NAALAD2: variants seen among roughly 807,000 people sequenced by gnomAD.
The protein encoded by NAALAD2 is N-acetylated-alpha-linked acidic dipeptidase 2.
A neutral mutation model predicts 95.6 loss-of-function variants in NAALAD2; 89 were observed. That is an observed-to-expected ratio of 0.93 (90% CI 0.78 to 1.11). The LOEUF (loss-of-function observed/expected upper bound fraction) is 1.11, where lower values mean the gene tolerates loss of function less well. NAALAD2 is among the 50% of genes least tolerant of loss of function. The probability of loss-of-function intolerance (pLI) is 0.00; values close to 1 mark genes in which losing one functional copy is unlikely to be tolerated. For synonymous variants in NAALAD2, 264 were observed against 294.4 expected, an observed-to-expected ratio of 0.90 and a Z score of 1.06; for missense variants, 894 against 872.4, an observed-to-expected ratio of 1.02 and a Z score of -0.31.
chr11:90,152,509 C>T (rs1455515652), intron 6 of NAALAD2, 25 bp downstream of exon 6: 3 of 1,557,804 alleles, frequency 1.9e-6, no homozygotes, highest in African/African-American at 1.4e-5. Flanking sequence ...TATCAGTCCA[C>T]CAATTTTGCA....
intron 12 of NAALAD2, 192 bp downstream of exon 12, chr11:90,169,184 G>C: frequency 2.1e-6 from 1 of 469,634 alleles, no homozygotes. Flanking sequence ...AAATAATTAG[G>C]ATTCATATGA....
At chr11:90,173,252 T>G (rs1565540347) in intron 13 of NAALAD2, among the ~76,000 whole-genome samples, 1 of 152,136 alleles carries the variant, frequency 6.6e-6, no homozygotes, top group Non-Finnish European at 1.5e-5. Flanking sequence ...TAGAGTTTTT[T>G]AAAAAATCCA....
At chr11:90,160,571 A>G (rs1046245781) in intron 8 of NAALAD2, among the ~76,000 whole-genome samples, 2 of 152,134 alleles carry the variant, frequency 1.3e-5, no homozygotes, top group Admixed American at 1.3e-4. Flanking sequence ...ATATGTGTTT[A>G]TCTCTATCAT....
chr11:90,170,082 C>CA lies in NAALAD2; in HGVS notation c.1357dup (p.Arg453LysfsTer3), dbSNP rs1952589331. The CA allele has an allele frequency of 3.8e-6, 6 of 1,583,646 alleles. No homozygotes were observed. The highest frequency in any genetic ancestry group is 3.3e-5 in the South Asian group (3 of 90,408). On this transcript the variant is annotated frameshift_variant, in exon 13 of 19. Coordinates refer to ENST00000534061, the MANE Select transcript of NAALAD2 (RefSeq NM_005467.4). LOFTEE classifies it high-confidence loss of function. ...TTTATTTTTCAGGCAATTATACTCTCAGAGTTGACTGTACTCCCCTTCTTT... is the reference window on the plus strand; with the variant it reads ...TTTATTTTTCAGGCAATTATACTCTCAAGAGTTGACTGTACTCCCCTTCTTT...
chr11:90,185,399 G>A (rs1044108728), intron 18 of NAALAD2, among the ~76,000 whole-genome samples: 3 of 151,998 alleles, frequency 2.0e-5, no homozygotes, highest in Non-Finnish European at 1.5e-5. Flanking sequence ...GGCTGGGTGA[G>A]GTGGCTCACA....
In NAALAD2 at chr11:90,170,062, T is replaced by A. The variant is rs1952588323; in HGVS notation, c.1343-7T>A. 2 of 1,536,750 alleles carry A rather than the reference T, an allele frequency of 1.3e-6. No homozygotes were observed. Among genetic ancestry groups the A allele is most frequent in the South Asian group, 2.2e-5 (2 of 89,286 alleles). ...AAATAATACTCTGTGTCTTATTTATTTTTCAGGCAATTATACTCTCAGAGT... is the reference window on the plus strand; with the variant it reads ...AAATAATACTCTGTGTCTTATTTATATTTCAGGCAATTATACTCTCAGAGT... On this transcript the variant is annotated splice_region_variant and splice_polypyrimidine_tract_variant and intron_variant, in intron 12 of 18. Coordinates refer to ENST00000534061, the MANE Select transcript of NAALAD2 (RefSeq NM_005467.4).
Position 90,177,934 on chromosome 11 carries a change from A to G in NAALAD2, c.1675A>G (p.Thr559Ala), listed in dbSNP as rs1277199951. ...ATTGGTAGAGAAATTTTATGACCCC[A>G]CATTTAAAAAACAACTTTCTGTGGC... is the stretch of plus-strand genomic sequence containing the variant. ...FELVEKFYDPTFKKQLSVAQL... is the reference protein window; with the variant it reads ...FELVEKFYDPAFKKQLSVAQL... Residue 559 changes from threonine to alanine, a missense_variant, in exon 16 of 19, where the codon ACA (threonine) becomes GCA (alanine). Transcript: ENST00000534061. 6 of 1,613,706 alleles carry G rather than the reference A, an allele frequency of 3.7e-6. No homozygotes were observed. Among genetic ancestry groups the G allele is most frequent in the Non-Finnish European group, 5.1e-6 (6 of 1,179,932 alleles).
Position 90,175,988 on chromosome 11 carries a change from T to G in NAALAD2, c.1519T>G (p.Ser507Ala). ...TACATCTAGAATCAATAAGCTGGGA[T>G]CTGGAAGTGACTTTGAAGCTTATTT... ...KNLPRINKLG[S>A]GSDFEAYFQR... Residue 507 changes from serine (S) to alanine (A), a missense_variant, in exon 15 of 19, where the codon TCT becomes GCT. Ser to Ala is a moderately conservative substitution (Grantham distance 99, BLOSUM62 1). Coordinates refer to ENST00000534061, the MANE Select transcript of NAALAD2 (RefSeq NM_005467.4). 1 of 1,612,240 alleles carries G rather than the reference T, an allele frequency of 6.2e-7. No individual in the cohort carries two copies. Among genetic ancestry groups the G allele is most frequent in the Non-Finnish European group, 8.5e-7 (1 of 1,178,550 alleles).
chr11:90,189,052 T>A (rs1318283432), intron 18 of NAALAD2, among the ~76,000 whole-genome samples: 1 of 152,254 alleles, frequency 6.6e-6, no homozygotes, highest in East Asian at 1.9e-4. Flanking sequence ...GTCCCAATGA[T>A]GCAGTCACAA....
chr11:90,175,928 A>ATGTGTATG, intron 14 of NAALAD2, 44 bp from the exon 15 acceptor site: 1 of 971,990 alleles, frequency 1.0e-6, no homozygotes, highest in Non-Finnish European at 1.6e-6. Flanking sequence ...TTACTTGTTT[A>ATGTGTATG]TGTGTGTGTG....
At chr11:90,133,326 A>G (rs992271723), upstream of NAALAD2, among the ~76,000 whole-genome samples, 2 of 152,234 alleles carry the variant, frequency 1.3e-5, no homozygotes, top group African/African-American at 2.4e-5. Flanking sequence ...AAGGCTATTT[A>G]CAATGGCCAC....
Position 90,135,603 on chromosome 11 carries a change from T to A in NAALAD2, c.127T>A (p.Tyr43Asn). Residue 43 changes from tyrosine to asparagine, a missense_variant, in exon 2 of 19, where the codon TAT becomes AAT. Physicochemically the swap from Tyr to Asn is moderately radical, Grantham distance 143 (BLOSUM62 -2). Transcript: ENST00000534061. Reference sequence around the variant, plus strand: ...CAAAGAAACGACCACTTCTGTGCGCTATCATCAAAGTATACGGTGGAAACT... The same window carrying A: ...CAAAGAAACGACCACTTCTGTGCGCAATCATCAAAGTATACGGTGGAAACT... ...PLKETTTSVR[Y>N]HQSIRWKLVS... is the part of the protein sequence containing the mutation. The A allele has an allele frequency of 6.2e-7, 1 of 1,613,552 alleles. No homozygotes were observed. The highest frequency in any genetic ancestry group is 1.1e-5 in the South Asian group (1 of 90,998).
chr11:90,176,057 A>AATAAGGT lies in NAALAD2; in HGVS notation c.1590_1593+3dup. The AATAAGGT allele has an allele frequency of 6.2e-7, 1 of 1,611,840 alleles. No individual in the cohort carries two copies. Among genetic ancestry groups the AATAAGGT allele is most frequent in the East Asian group, 2.2e-5 (1 of 44,814 alleles). On this transcript the variant is annotated frameshift_variant, in exon 15 of 19. Transcript: ENST00000534061. LOFTEE classifies it high-confidence loss of function. ...TTCAGGCAGAGCCCGTTACACTAAG[A>AATAAGGT]ATAAGGTAAGCCATTTTATCATTTT... is the stretch of plus-strand genomic sequence containing the variant.
Position 90,176,968 on chromosome 11 carries a change from T to C in NAALAD2, c.1594-885T>C, listed in dbSNP as rs145034563. Among the ~76,000 whole-genome samples, 804 of 152,330 alleles carry C rather than the reference T, an allele frequency of 5.3e-3. 8 individuals carry two copies. Among genetic ancestry groups the C allele is most frequent in the Middle Eastern group, 0.027 (8 of 294 alleles). On this transcript the variant is annotated intron_variant, in intron 15 of 18. Transcript: ENST00000534061. ...GTTCACTTTTATACTCTGTCTTCTG[T>C]AATTTGCTCAAAGTTATCTAGTTTC... is the stretch of plus-strand genomic sequence containing the variant.
intron 18 of NAALAD2, among the ~76,000 whole-genome samples, chr11:90,183,593 T>C (rs1857031788): frequency 6.6e-6 from 1 of 152,172 alleles, no homozygotes; most frequent in South Asian, 2.1e-4. Flanking sequence ...TTCGGCGTTA[T>C]GATGGTGCAA....
intron 13 of NAALAD2, among the ~76,000 whole-genome samples, chr11:90,171,400 C>G (rs1952630374): frequency 6.6e-6 from 1 of 152,282 alleles, no homozygotes. Flanking sequence ...TCTTGGGTAG[C>G]TGATGTCTTT....
At chr11:90,179,867 T>G (rs1168171493) in intron 16 of NAALAD2, among the ~76,000 whole-genome samples, 2 of 152,134 alleles carry the variant, frequency 1.3e-5, no homozygotes, top group Admixed American at 6.5e-5. Context: ...TGTTAATTCC[T>G]TTCCCTGTCA....
chr11:90,174,896 A>T (rs1175112781), intron 14 of NAALAD2, among the ~76,000 whole-genome samples: 2 of 152,140 alleles, frequency 1.3e-5, no homozygotes, highest in African/African-American at 2.4e-5. Context: ...ACAAGTGGAA[A>T]ATTCCACACC....
At chr11:90,177,334 CAATT>C (rs941157678) in intron 15 of NAALAD2, among the ~76,000 whole-genome samples, 39 of 148,742 alleles carry the variant, frequency 2.6e-4, no homozygotes, top group Admixed American at 2.1e-3. Flanking sequence ...TTTTACCAAT[CAATT>C]GATAGATAAC....
Sources: allele counts gnomAD v4.1 joint callset (sites outside exome capture counted in the v4.1 genomes callset), GRCh38; gene constraint gnomAD v4.1.1; transcripts MANE v1.5; gene names NCBI Gene and HGNC (gene_info 2026-07-23, HGNC 2026-07-21).